Variants in THSD7A observed in about 807,000 individuals in gnomAD.
THSD7A encodes thrombospondin type 1 domain containing 7A.
THSD7A carries 96 observed loss-of-function variants against 231.3 expected under a neutral mutation model. The ratio of observed to expected loss-of-function variants is 0.41; its 90% confidence interval spans 0.35 to 0.49. The LOEUF (loss-of-function observed/expected upper bound fraction) is 0.49. Among genes scored for constraint, THSD7A ranks in the 20% least tolerant of loss-of-function variants. The probability of loss-of-function intolerance (pLI) is 0.05; values close to 1 mark genes in which losing one functional copy is unlikely to be tolerated. For synonymous variants in THSD7A, 940 were observed against 743.3 expected (o/e 1.26, Z -4.30); for missense variants, 2,290 against 2,070.2 (o/e 1.11, Z -2.06).
Position 11,832,104 on chromosome 7 carries a change from G to T in THSD7A, c.-158C>A. On this transcript the variant is annotated 5_prime_UTR_variant, in exon 1 of 28. Coordinates refer to ENST00000423059, the MANE Select transcript of THSD7A (RefSeq NM_015204.3). ...GGAGGGAGAGCGCGTCTAACACCAG[G>T]GAACAATAGCGTCCGCGGTGGTGGC... 4.4e-6 allele frequency: 2 copies of T among 453,388 alleles called. No homozygotes were observed. Among genetic ancestry groups the T allele is most frequent in the Non-Finnish European group, 6.9e-6 (2 of 290,484 alleles). The allele number at this position is 453,388 out of a possible 1,614,324, so 28.1% of individuals were successfully genotyped here.
chr7:11,545,155 T>G (rs1789325787), intron 4 of THSD7A, among the ~76,000 whole-genome samples: 1 of 152,168 alleles, frequency 6.6e-6, no homozygotes, highest in African/African-American at 2.4e-5. Context: ...CAAATTAACA[T>G]AAGTAATGAT....
intron 1 of THSD7A, among the ~76,000 whole-genome samples, chr7:11,822,664 C>A (rs75796390): frequency 0.037 from 5,607 of 152,020 alleles, 117 homozygotes; most frequent in South Asian, 0.076. Flanking sequence ...ACATTCCCAC[C>A]AATCATGTAG....
intron 6 of THSD7A, among the ~76,000 whole-genome samples, chr7:11,506,879 G>C (rs79175357): frequency 6.6e-6 from 1 of 151,756 alleles, no homozygotes; most frequent in Non-Finnish European, 1.5e-5. Context: ...GTACCCCTTT[G>C]TTTTTTTCCC....
chr7:11,415,704 C>CA (rs1165297762), intron 17 of THSD7A, among the ~76,000 whole-genome samples: 1 of 152,198 alleles, frequency 6.6e-6, no homozygotes, highest in African/African-American at 2.4e-5. Flanking sequence ...TGCCTTCCCC[C>CA]ATTTAAGGGA....
chr7:11,803,108 T>C (rs1784318944), intron 1 of THSD7A, among the ~76,000 whole-genome samples: 1 of 152,136 alleles, frequency 6.6e-6, no homozygotes, highest in Non-Finnish European at 1.5e-5. Flanking sequence ...CTGAGAAATC[T>C]AAAGGAAGAA....
chr7:11,401,661 C>T (rs1412730353), intron 23 of THSD7A, 134 bp downstream of exon 23: 11 of 767,466 alleles, frequency 1.4e-5, no homozygotes, highest in Non-Finnish European at 1.9e-5. Context: ...ATCCGCCCAC[C>T]TAGGCCTCCC....
At chr7:11,754,449 T>G (rs1339042156) in intron 1 of THSD7A, among the ~76,000 whole-genome samples, 1 of 152,082 alleles carries the variant, frequency 6.6e-6, no homozygotes, top group Non-Finnish European at 1.5e-5. Flanking sequence ...ATACATCCTT[T>G]TAAGCCTTAG....
intron 1 of THSD7A, among the ~76,000 whole-genome samples, chr7:11,691,155 T>G (rs908873376): frequency 4.0e-5 from 6 of 151,766 alleles, no homozygotes; most frequent in Admixed American, 2.0e-4. Context: ...TTTTAAAATT[T>G]ATTAACCATT....
intron 13 of THSD7A, among the ~76,000 whole-genome samples, chr7:11,431,841 C>A (rs1292291622): frequency 1.3e-5 from 2 of 152,006 alleles, no homozygotes; most frequent in African/African-American, 2.4e-5. Flanking sequence ...TCTTTAATTT[C>A]TTTCAATGAT....
At chr7:11,380,516 A>G (rs1199878049) in intron 24 of THSD7A, among the ~76,000 whole-genome samples, 2 of 152,170 alleles carry the variant, frequency 1.3e-5, no homozygotes, top group Admixed American at 1.3e-4. Context: ...GCCTATTGCT[A>G]ATTGTCTGTG....
Position 11,589,265 on chromosome 7 carries a change from C to G in THSD7A, c.1453+1195G>C, listed in dbSNP as rs1156345033. Among the ~76,000 whole-genome samples, 27 of 152,098 alleles carry G rather than the reference C, an allele frequency of 1.8e-4. 1 individual carries two copies. Among genetic ancestry groups the G allele is most frequent in the Non-Finnish European group, 3.8e-4 (26 of 68,016 alleles). ...CCTTTCCTCTCATCTCCTTTCCTCC[C>G]CTCCCGTCTCTACAACCTGCCAAAT... On this transcript the variant is annotated intron_variant, in intron 4 of 27. Transcript: ENST00000423059.
At position 11,819,577 on chromosome 7, in the gene THSD7A, G is replaced by A. The variant is rs149845546; in HGVS notation, c.190+12180C>T. ...ATGCCCAACTGAAAAGGCTACATAC[G>A]GTATGATTCCAACTATATAACGTTC... On this transcript the variant is annotated intron_variant, in intron 1 of 27. Transcript: ENST00000423059. 1.2e-4 allele frequency among the ~76,000 whole-genome samples: 19 copies of A among 152,200 alleles called. No individual in the cohort carries two copies. In the East Asian group the frequency reaches 2.9e-3, roughly 23 times the overall value.
intron 1 of THSD7A, among the ~76,000 whole-genome samples, chr7:11,789,464 T>C (rs1783885033): frequency 6.6e-6 from 1 of 152,100 alleles, no homozygotes; most frequent in South Asian, 2.1e-4. Flanking sequence ...ATGACACTCG[T>C]CCTCTTTTAT....
intron 4 of THSD7A, among the ~76,000 whole-genome samples, chr7:11,553,634 G>T (rs1309852878): frequency 1.3e-5 from 2 of 151,936 alleles, no homozygotes; most frequent in Non-Finnish European, 1.5e-5. Context: ...GAATAATGGA[G>T]AAATTTTATT....
Position 11,464,750 on chromosome 7 carries a change from G to A in THSD7A, c.2369-2607C>T, listed in dbSNP as rs1351521987. 7.2e-5 allele frequency among the ~76,000 whole-genome samples: 11 copies of A among 152,062 alleles called. No homozygotes were observed. The East Asian group carries it at 1.5e-3, about 21-fold the overall frequency. The stretch of plus-strand genomic sequence containing the variant: ...ATAGAGATTGTGACCTGATTCAAGT[G>A]GAACTCTTCAAAGATATGACACCCA... On this transcript the variant is annotated intron_variant, in intron 9 of 27. Coordinates refer to ENST00000423059, the MANE Select transcript of THSD7A (RefSeq NM_015204.3).
intron 1 of THSD7A, among the ~76,000 whole-genome samples, chr7:11,773,177 A>G (rs1263630978): frequency 2.0e-5 from 3 of 152,226 alleles, no homozygotes; most frequent in Non-Finnish European, 4.4e-5. Context: ...GCTAACAAAA[A>G]ATGCATATTT....
At chr7:11,523,264 A>C (rs994889149) in intron 6 of THSD7A, among the ~76,000 whole-genome samples, 1 of 152,112 alleles carries the variant, frequency 6.6e-6, no homozygotes, top group Non-Finnish European at 1.5e-5. Context: ...AAGTCTTTAT[A>C]GTAATATGAA....
At chr7:11,540,353 C>A (rs1231939396) in intron 6 of THSD7A, among the ~76,000 whole-genome samples, 3 of 152,166 alleles carry the variant, frequency 2.0e-5, no homozygotes, top group African/African-American at 4.8e-5. Flanking sequence ...GTCTCCCACA[C>A]CAGAGAGTGT....
In THSD7A at chr7:11,634,360, T is replaced by C. The variant is rs1002839937; in HGVS notation, c.1022+1770A>G. Reference sequence around the variant, plus strand: ...GGTAGCTACTAACCTAATTACACTTTTAATTGAGTAGTCAACGTTAAATTA... The same window carrying C: ...GGTAGCTACTAACCTAATTACACTTCTAATTGAGTAGTCAACGTTAAATTA... On this transcript the variant is annotated intron_variant, in intron 2 of 27. Coordinates refer to ENST00000423059, the MANE Select transcript of THSD7A (RefSeq NM_015204.3). The surrounding 1 kb of genome is among the most constrained non-coding windows in gnomAD (Gnocchi z 4.1). Among the ~76,000 whole-genome samples the C allele has an allele frequency of 1.3e-5, 2 of 152,158 alleles. No individual in the cohort carries two copies. Among genetic ancestry groups the C allele is most frequent in the South Asian group, 2.1e-4 (1 of 4,830 alleles).
Sources: gnomAD v4.1 joint callset for allele counts (sites outside exome capture counted in the v4.1 genomes callset) on GRCh38, gnomAD v4.1.1 for gene constraint, Gnocchi (gnomAD v3.1) non-coding constraint, MANE v1.5 for transcripts, NCBI Gene and HGNC (gene_info 2026-07-23, HGNC 2026-07-21) for gene names.